LIN52: variants seen among roughly 807,000 people sequenced by gnomAD.
The protein encoded by LIN52 is protein lin-52 homolog.
In LIN52, 4 loss-of-function variants were observed where a neutral mutation model predicts 18.5. The ratio of observed to expected loss-of-function variants is 0.22; its 90% CI spans 0.11 to 0.49. The LOEUF (loss-of-function observed/expected upper bound fraction) is 0.49, where lower values mean the gene tolerates loss of function less well. LIN52 is among the 20% of genes least tolerant of loss of function. The probability of loss-of-function intolerance (pLI) is 0.97; values close to 1 mark genes in which losing one functional copy is unlikely to be tolerated. For missense variants in LIN52, 102 were observed against 139.5 expected (o/e 0.73, Z 1.35); for synonymous variants, 34 against 45.5 (o/e 0.75, Z 1.02).
chr14:74,089,427 G>A (rs915682960), intron 1 of LIN52, among the ~76,000 whole-genome samples: 1 of 150,424 alleles, frequency 6.6e-6, no homozygotes, highest in Non-Finnish European at 1.5e-5. Context: ...GGAGTGCAGT[G>A]GTGTGACCTT....
At position 74,190,389 on chromosome 14, in the gene LIN52, C is replaced by T. The variant is rs1212756452; in HGVS notation, c.284-8533C>T. On this transcript the variant is annotated intron_variant, in intron 5 of 5. Coordinates refer to ENST00000555028, the MANE Select transcript of LIN52 (RefSeq NM_001024674.3). ...GAAATGTTTTATTATGCCTAAATAACTTTTTTTTTTTTTTTTTTTTGAGAC... is the reference window on the plus strand; with the variant it reads ...GAAATGTTTTATTATGCCTAAATAATTTTTTTTTTTTTTTTTTTTTGAGAC... 2.6e-4 allele frequency among the ~76,000 whole-genome samples: 28 copies of T among 106,306 alleles called. No individual in the cohort carries two copies. The East Asian group carries it at 4.4e-3, about 17-fold the overall frequency. 69.7% of individuals were successfully genotyped at this position (106,306 alleles called of 152,430 possible).
chr14:74,112,119 A>T (rs963116541), intron 5 of LIN52, among the ~76,000 whole-genome samples: 3 of 152,110 alleles, frequency 2.0e-5, no homozygotes, highest in Non-Finnish European at 4.4e-5. Flanking sequence ...AACTCAGGTG[A>T]TCCGCCCACC....
At chr14:74,196,198 G>C (rs1218728037) in intron 5 of LIN52, among the ~76,000 whole-genome samples, 2 of 152,156 alleles carry the variant, frequency 1.3e-5, no homozygotes, top group African/African-American at 4.8e-5. Context: ...GTAGAAAAAG[G>C]GTTGTTAAAA....
At chr14:74,094,216 A>T (rs2060792616) in intron 2 of LIN52, among the ~76,000 whole-genome samples, 1 of 150,514 alleles carries the variant, frequency 6.6e-6, no homozygotes, top group African/African-American at 2.4e-5. Flanking sequence ...TAGTTTATGT[A>T]TTCATACATT....
At chr14:74,189,355 G>T (rs950879389) in intron 5 of LIN52, among the ~76,000 whole-genome samples, 4 of 152,170 alleles carry the variant, frequency 2.6e-5, no homozygotes, top group Non-Finnish European at 4.4e-5. Context: ...AGCCCCCAGA[G>T]TATTAATTCA....
At chr14:74,156,112 C>T (rs907895402) in intron 5 of LIN52, among the ~76,000 whole-genome samples, 1 of 152,142 alleles carries the variant, frequency 6.6e-6, no homozygotes, top group African/African-American at 2.4e-5. Flanking sequence ...TTTTACTTGG[C>T]TTTATTTCCT....
At chr14:74,127,648 C>T (rs1345097502) in intron 5 of LIN52, among the ~76,000 whole-genome samples, 1 of 152,168 alleles carries the variant, frequency 6.6e-6, no homozygotes, top group Non-Finnish European at 1.5e-5. Context: ...ATTGCAATAG[C>T]TAAGACTGCT....
intron 5 of LIN52, among the ~76,000 whole-genome samples, chr14:74,144,784 GAAGT>G (rs2061147091): frequency 6.6e-6 from 1 of 152,146 alleles, no homozygotes; most frequent in Non-Finnish European, 1.5e-5. Context: ...TCTATAATTA[GAAGT>G]AAGTAAAGTA....
intron 5 of LIN52, among the ~76,000 whole-genome samples, chr14:74,160,667 A>C (rs2061220365): frequency 6.6e-6 from 1 of 152,230 alleles, no homozygotes; most frequent in Admixed American, 6.5e-5. Context: ...AAAGTCTACT[A>C]AACACTAACT....
intron 4 of LIN52, 86 bp downstream of exon 4, chr14:74,097,946 A>G: frequency 9.7e-7 from 1 of 1,033,600 alleles, no homozygotes; most frequent in African/African-American, 1.6e-5. Context: ...GTTTCCTTAC[A>G]AGTATTTTTG....
chr14:74,122,630 C>A (rs2139925460), intron 5 of LIN52, among the ~76,000 whole-genome samples: 1 of 152,234 alleles, frequency 6.6e-6, no homozygotes, highest in South Asian at 2.1e-4. Context: ...CTTTGGGAGG[C>A]CAAGATGGGC....
intron 3 of LIN52, among the ~76,000 whole-genome samples, chr14:74,096,994 A>C (rs946886556): frequency 9.9e-5 from 15 of 152,194 alleles, no homozygotes; most frequent in African/African-American, 2.7e-4. Context: ...AAAAATTGTA[A>C]AATTCTGAAG....
At chr14:74,164,042 C>T (rs574619129) in intron 5 of LIN52, among the ~76,000 whole-genome samples, 236 of 150,986 alleles carry the variant, frequency 1.6e-3, no homozygotes, top group Non-Finnish European at 3.1e-3. Flanking sequence ...AGTGCAGTGG[C>T]GCAATCTCGG....
intron 5 of LIN52, among the ~76,000 whole-genome samples, chr14:74,126,399 T>C (rs1217043429): frequency 1.3e-5 from 2 of 152,098 alleles, no homozygotes; most frequent in Admixed American, 1.3e-4. Context: ...CCCAAAAGAA[T>C]TGAAAACAGG....
intron 1 of LIN52, among the ~76,000 whole-genome samples, chr14:74,089,677 T>G (rs528930012): frequency 2.1e-3 from 319 of 152,216 alleles, no homozygotes; most frequent in Admixed American, 4.3e-3. Context: ...CCTTAAGCAG[T>G]TTTTTTATAT....
chr14:74,135,113 G>T (rs1026957548), intron 5 of LIN52, among the ~76,000 whole-genome samples: 1 of 152,120 alleles, frequency 6.6e-6, no homozygotes, highest in African/African-American at 2.4e-5. Context: ...TCGCCAGGCT[G>T]GAGTGCAGTG....
At chr14:74,175,529 C>CAA (rs781699088) in intron 5 of LIN52, among the ~76,000 whole-genome samples, 1 of 133,064 alleles carries the variant, frequency 7.5e-6, no homozygotes, top group African/African-American at 2.8e-5. Context: ...CCTGTCTCTA[C>CAA]AAAAAAAAAA....
At chr14:74,125,788 A>T (rs546827562) in intron 5 of LIN52, among the ~76,000 whole-genome samples, 1 of 151,150 alleles carries the variant, frequency 6.6e-6, no homozygotes, top group Non-Finnish European at 1.5e-5. Flanking sequence ...TATCACAAGG[A>T]TAAAAAACCA....
rs541760639 is a variant in LIN52, at chr14:74,183,608, T to A, written c.284-15314T>A. ...GAGGTTTTCTTTTTATTATAGAAAA[T>A]TTTTAAGCTAACTAAAGTACAGAGA... On this transcript the variant is annotated intron_variant, in intron 5 of 5. Coordinates refer to ENST00000555028, the MANE Select transcript of LIN52 (RefSeq NM_001024674.3). Among the ~76,000 whole-genome samples, 17 of 152,276 alleles carry A rather than the reference T, an allele frequency of 1.1e-4. No homozygotes were observed. In the East Asian group the frequency reaches 3.3e-3, roughly 29 times the overall value.
Sources: allele counts gnomAD v4.1 joint callset (sites outside exome capture counted in the v4.1 genomes callset), GRCh38; gene constraint gnomAD v4.1.1; transcripts MANE v1.5; gene names NCBI Gene and HGNC (gene_info 2026-07-23, HGNC 2026-07-21).